COL24A1: variants seen among roughly 807,000 people sequenced by gnomAD.
COL24A1 encodes the protein collagen alpha-1(XXIV) chain.
A neutral mutation model predicts 253.9 loss-of-function variants in COL24A1; 224 were observed. That is an observed-to-expected ratio of 0.88 (90% confidence interval 0.79 to 0.99). COL24A1 has a LOEUF of 0.99. Ranked by LOEUF, COL24A1 falls within the 50% of genes least tolerant of loss-of-function variation. The probability of loss-of-function intolerance (pLI) is 0.00; values close to 1 mark genes in which losing one functional copy is unlikely to be tolerated. For missense variants in COL24A1, 2,131 were observed against 2,068.5 expected (o/e 1.03, Z -0.59); for synonymous variants, 685 against 673.7 (o/e 1.02, Z -0.26).
intron 5 of COL24A1, among the ~76,000 whole-genome samples, chr1:86,110,916 A>C (rs1295310044): frequency 6.6e-6 from 1 of 152,006 alleles, no homozygotes; most frequent in African/African-American, 2.4e-5. Context: ...CGACTGCCCA[A>C]GGGCTGAGGA....
chr1:86,124,227 T>TC lies in COL24A1; in HGVS notation c.1491+617_1491+618insG, dbSNP rs1247902251. On this transcript the variant is annotated intron_variant, in intron 3 of 59. Coordinates refer to ENST00000370571, the MANE Select transcript of COL24A1 (RefSeq NM_152890.7). ...ATATTAAACAAGTGCCTTGGTTGTTTTTTTCCCCTCACTGAATTGACTGAT... is the reference window on the plus strand; with the variant it reads ...ATATTAAACAAGTGCCTTGGTTGTTTCTTTTCCCCTCACTGAATTGACTGAT... 1.2e-4 allele frequency among the ~76,000 whole-genome samples: 18 copies of TC among 151,256 alleles called. No individual in the cohort carries two copies. The East Asian group carries it at 3.5e-3, about 30-fold the overall frequency.
rs772574168 is a variant in COL24A1 at position 85,895,911 on chromosome 1, G to A, written c.2878-9C>T. ...GGGTTTCCAGTCTTACCCTACATGA[G>A]AAAGAAAATTCTTGAGTCAAGTAGT... On this transcript the variant is annotated splice_polypyrimidine_tract_variant and intron_variant, in intron 30 of 59. Transcript: ENST00000370571. The A allele has an allele frequency of 1.0e-5, 16 of 1,607,282 alleles. No individual in the cohort carries two copies. The highest frequency in any genetic ancestry group is 2.2e-5 in the East Asian group (1 of 44,678).
chr1:85,808,807 T>C (rs1256246096), intron 47 of COL24A1, among the ~76,000 whole-genome samples: 2 of 152,210 alleles, frequency 1.3e-5, no homozygotes, highest in East Asian at 1.9e-4. Flanking sequence ...TAGAGTTTAA[T>C]TGATGCAAGG....
chr1:85,921,980 G>A (rs995124719), intron 24 of COL24A1, among the ~76,000 whole-genome samples: 4 of 152,162 alleles, frequency 2.6e-5, no homozygotes, highest in East Asian at 1.9e-4. Flanking sequence ...TAAGTGACCC[G>A]AGGGAGCTGA....
intron 2 of COL24A1, among the ~76,000 whole-genome samples, chr1:86,130,483 T>C (rs1648991232): frequency 1.3e-5 from 2 of 151,930 alleles, no homozygotes; most frequent in South Asian, 2.1e-4. Context: ...GAAGGGTTTG[T>C]ATTTTTATTC....
At chr1:85,903,273 G>T (rs1449010149) in intron 28 of COL24A1, among the ~76,000 whole-genome samples, 1 of 152,120 alleles carries the variant, frequency 6.6e-6, no homozygotes, top group Non-Finnish European at 1.5e-5. Flanking sequence ...AGAGTTTAAG[G>T]CTGGCAGAAG....
At chr1:86,072,455 C>T (rs377335523) in intron 7 of COL24A1, among the ~76,000 whole-genome samples, 3 of 152,158 alleles carry the variant, frequency 2.0e-5, no homozygotes, top group East Asian at 3.8e-4. Flanking sequence ...CTCCTCTCTG[C>T]GCAGGGCATC....
chr1:85,953,188 GTTTTTATGCAA>G (rs1458637598), intron 24 of COL24A1, among the ~76,000 whole-genome samples: 1 of 152,138 alleles, frequency 6.6e-6, no homozygotes, highest in Non-Finnish European at 1.5e-5. Flanking sequence ...AAACAGTATA[GTTTTTATGCAA>G]ACTAGCTTCA....
intron 24 of COL24A1, among the ~76,000 whole-genome samples, chr1:85,923,143 A>G (rs1686730722): frequency 1.3e-5 from 2 of 152,356 alleles, no homozygotes; most frequent in South Asian, 2.1e-4. Flanking sequence ...ATATGCAACC[A>G]ATACAAGAGC....
intron 35 of COL24A1, among the ~76,000 whole-genome samples, chr1:85,872,862 T>G (rs1191049095): frequency 6.6e-6 from 1 of 152,100 alleles, no homozygotes; most frequent in Non-Finnish European, 1.5e-5. Context: ...CTAAAGAGCT[T>G]CTGCACAGAA....
chr1:86,152,122 A>C (rs918750325), intron 1 of COL24A1, among the ~76,000 whole-genome samples: 1 of 152,212 alleles, frequency 6.6e-6, no homozygotes, highest in African/African-American at 2.4e-5. Context: ...CAGTGGACAT[A>C]AAGTTGGATG....
chr1:85,743,652 G>A (rs1348535229), intron 57 of COL24A1, among the ~76,000 whole-genome samples: 1 of 152,066 alleles, frequency 6.6e-6, no homozygotes, highest in Non-Finnish European at 1.5e-5. Context: ...AATTTTGTAT[G>A]TCTTACAAGA....
chr1:85,800,502 T>C (rs1035105476), intron 47 of COL24A1, among the ~76,000 whole-genome samples: 2 of 152,210 alleles, frequency 1.3e-5, no homozygotes, highest in African/African-American at 4.8e-5. Flanking sequence ...TACTGGATAA[T>C]AAAGGCAGAA....
Position 86,115,327 on chromosome 1 carries a change from G to A in COL24A1, c.1543C>T (p.Arg515Trp), listed in dbSNP as rs532783486. The stretch of plus-strand genomic sequence containing the variant: ...GGAAATATAGCCCATCTACTTACCC[G>A]TGGACCTCTCTTCCCTGACGGACCT... Reference protein sequence around the residue: ...IPGPSGKRGPRGIPGPHGNPG... With the variant: ...IPGPSGKRGPWGIPGPHGNPG... The change falls in exon 4 of 60, where the codon CGG (arginine) becomes TGG (tryptophan). Residue 515 changes from arginine to tryptophan, a missense_variant and splice_region_variant. By Grantham distance (101) the Arg-to-Trp change is moderately radical (BLOSUM62 -3). Transcript: ENST00000370571. 3.7e-4 allele frequency: 592 copies of A among 1,613,720 alleles called. 8 individuals carry two copies. The South Asian group carries it at 5.4e-3, about 15-fold the overall frequency.
intron 7 of COL24A1, among the ~76,000 whole-genome samples, chr1:86,078,786 T>C (rs559977947): frequency 6.6e-6 from 1 of 152,074 alleles, no homozygotes; most frequent in Non-Finnish European, 1.5e-5. Context: ...TATAAAACAC[T>C]GATGAAAGAA....
intron 14 of COL24A1, among the ~76,000 whole-genome samples, chr1:86,024,393 A>G (rs964684659): frequency 6.6e-5 from 10 of 152,178 alleles, no homozygotes; most frequent in African/African-American, 1.7e-4. Context: ...AATAAAGTGT[A>G]GAATGAATAC....
chr1:85,989,114 G>GT (rs896595090), intron 19 of COL24A1, among the ~76,000 whole-genome samples: 10 of 151,912 alleles, frequency 6.6e-5, no homozygotes, highest in South Asian at 4.2e-4. Flanking sequence ...TTGTTAGTAT[G>GT]TTTTTTTGTG....
At chr1:85,828,604 C>T (rs1317441983) in intron 43 of COL24A1, among the ~76,000 whole-genome samples, 4 of 149,950 alleles carry the variant, frequency 2.7e-5, no homozygotes, top group African/African-American at 2.5e-5. Context: ...AATCTGGGTG[C>T]TCCTGTATTG....
At chr1:86,145,839 G>A (rs1373198629) in intron 2 of COL24A1, among the ~76,000 whole-genome samples, 2 of 151,950 alleles carry the variant, frequency 1.3e-5, no homozygotes, top group East Asian at 1.9e-4. Flanking sequence ...TTAAAATGAA[G>A]TCACAAGCAA....
Sources: gnomAD v4.1 joint callset for allele counts (sites outside exome capture counted in the v4.1 genomes callset) on GRCh38, gnomAD v4.1.1 for gene constraint, MANE v1.5 for transcripts, NCBI Gene and HGNC (gene_info 2026-07-23, HGNC 2026-07-21) for gene names.